NCOA7: variants seen among roughly 807,000 people sequenced by gnomAD.
NCOA7 encodes the protein nuclear receptor coactivator 7, also known as 140 kDa estrogen receptor-associated protein.
Under a neutral mutation model 104.3 loss-of-function variants are expected in NCOA7, and 45 were observed. The observed-to-expected ratio is 0.43, with a 90% CI of 0.34 to 0.55. NCOA7 has a LOEUF of 0.55. Among genes scored for constraint, NCOA7 ranks in the 20% least tolerant of loss-of-function variants. NCOA7 has a pLI of 0.02. For synonymous variants in NCOA7, 398 were observed against 402.3 expected (o/e 0.99, Z 0.13); for missense variants, 1,041 against 1,119.7 (o/e 0.93, Z 1.00).
intron 3 of NCOA7, among the ~76,000 whole-genome samples, chr6:125,870,121 C>T (rs1277472110): frequency 2.0e-5 from 3 of 152,180 alleles, no homozygotes; most frequent in African/African-American, 4.8e-5. Flanking sequence ...CCTGTTACCC[C>T]GGTGTTGAGA....
rs1784565398 is a variant in NCOA7 at position 125,890,706 on chromosome 6, A to G, written c.1992A>G (p.Gly664=). 1 of 1,613,880 alleles carries G rather than the reference A, an allele frequency of 6.2e-7. No individual in the cohort carries two copies. The highest frequency in any genetic ancestry group is 2.2e-5 in the East Asian group (1 of 44,842). The change falls in exon 10 of 16, where the codon GGA becomes GGG. Residue 664 remains glycine (G), a synonymous_variant. Transcript: ENST00000392477. ...CCATGTTCCTGTGCATCAAAGTGGG[A>G]AAACCAATGAGAAAATCCTTTGCCA... ...TPPMFLCIKV[G]KPMRKSFATH... is the part of the protein sequence containing the mutation.
intron 3 of NCOA7, among the ~76,000 whole-genome samples, chr6:125,858,588 T>C (rs1165148325): frequency 6.6e-6 from 1 of 150,698 alleles, no homozygotes; most frequent in Non-Finnish European, 1.5e-5. Context: ...ACAAATCTAC[T>C]GCACTCCAGA....
intron 10 of NCOA7, among the ~76,000 whole-genome samples, chr6:125,910,195 A>T (rs959278838): frequency 6.6e-6 from 1 of 152,216 alleles, no homozygotes; most frequent in African/African-American, 2.4e-5. Flanking sequence ...CATCGGGCAT[A>T]GCTGTGAATG....
intron 1 of NCOA7, among the ~76,000 whole-genome samples, chr6:125,812,280 G>A (rs1391695646): frequency 6.6e-6 from 1 of 152,060 alleles, no homozygotes; most frequent in East Asian, 1.9e-4. Flanking sequence ...TTTACCCATT[G>A]AAATCCTAAC....
intron 3 of NCOA7, among the ~76,000 whole-genome samples, chr6:125,857,965 G>A (rs6920965): frequency 0.29 from 44,611 of 151,306 alleles, 8,035 homozygotes; most frequent in East Asian, 0.49. Flanking sequence ...ACTCTGTCGC[G>A]TGTGTAATGC....
At chr6:125,798,126 T>C (rs1775516170) in intron 1 of NCOA7, 1 of 152,218 alleles carries the variant, frequency 6.6e-6, no homozygotes, top group African/African-American at 2.4e-5. Flanking sequence ...GTTTGCCTCA[T>C]GGTCTCTCTT....
intron 2 of NCOA7, among the ~76,000 whole-genome samples, chr6:125,845,762 T>C (rs1780551010): frequency 6.6e-6 from 1 of 152,112 alleles, no homozygotes; most frequent in Admixed American, 6.6e-5. Context: ...CAAGACTCTG[T>C]CTCAAAAAAA....
At chr6:125,891,723 G>T (rs1784639015) in intron 10 of NCOA7, among the ~76,000 whole-genome samples, 1 of 152,214 alleles carries the variant, frequency 6.6e-6, no homozygotes, top group East Asian at 1.9e-4. Flanking sequence ...CATTCTTATT[G>T]GGAGAGTTGT....
Position 125,922,691 on chromosome 6 carries a change from C to G in NCOA7, c.2380C>G (p.Arg794Gly). 1 of 1,612,172 alleles carries G rather than the reference C, an allele frequency of 6.2e-7. No homozygotes were observed. Among genetic ancestry groups the G allele is most frequent in the Non-Finnish European group, 8.5e-7 (1 of 1,179,376 alleles). ...TCCTTTGGCTTTGTAGCTGGCCCGA[C>G]GCCTTCCTGCAAGGGTGCAAGGGTA... The part of the protein sequence containing the change: ...ENMHIEQLAR[R>G]LPARVQGYPW... Residue 794 changes from arginine to glycine, a missense_variant, in exon 13 of 16, where the codon CGC (arginine) becomes GGC (glycine). Arg to Gly is a moderately radical substitution (Grantham distance 125). Transcript: ENST00000392477.
At chr6:125,888,612 CATT>C (rs1407641362) in intron 8 of NCOA7, among the ~76,000 whole-genome samples, 4 of 152,156 alleles carry the variant, frequency 2.6e-5, no homozygotes, top group Non-Finnish European at 5.9e-5. Context: ...AAGTCAGAAA[CATT>C]ATTATTTCAT....
intron 1 of NCOA7, among the ~76,000 whole-genome samples, chr6:125,811,919 C>T (rs1042060227): frequency 3.3e-5 from 5 of 152,152 alleles, no homozygotes; most frequent in Admixed American, 3.3e-4. Context: ...AGCTCATCTC[C>T]AAATGCTTTC....
In NCOA7 at chr6:125,878,326, G is replaced by A. The variant is rs1783549966; in HGVS notation, c.415G>A (p.Val139Met). Residue 139 changes from valine (V) to methionine (M), a missense_variant, in exon 5 of 16, where the codon GTG becomes ATG. Coordinates refer to ENST00000392477, the MANE Select transcript of NCOA7 (RefSeq NM_181782.5). ...LKFNITPNKL[V>M]ELNKLFTHTI... ...ATTTAACATCACTCCCAATAAATTG[G>A]TGGAACTGAATAAACTTTTCACACA... 1.2e-6 allele frequency: 2 copies of A among 1,612,644 alleles called. No homozygotes were observed. Among genetic ancestry groups the A allele is most frequent in the Non-Finnish European group, 1.7e-6 (2 of 1,179,380 alleles).
At chr6:125,870,643 T>G (rs1191309741) in intron 3 of NCOA7, among the ~76,000 whole-genome samples, 1 of 152,258 alleles carries the variant, frequency 6.6e-6, no homozygotes, top group Non-Finnish European at 1.5e-5. Flanking sequence ...CTGGCTGTCA[T>G]GCCCCTCCAG....
chr6:125,834,351 C>T (rs896361945), intron 2 of NCOA7, among the ~76,000 whole-genome samples: 4 of 152,136 alleles, frequency 2.6e-5, no homozygotes, highest in Admixed American at 2.0e-4. Context: ...ATTAAAAAAA[C>T]GGAAGATTTT....
chr6:125,843,497 C>T (rs1034492269), intron 2 of NCOA7, among the ~76,000 whole-genome samples: 19 of 152,292 alleles, frequency 1.2e-4, no homozygotes, highest in South Asian at 8.3e-4. Flanking sequence ...AAATAAGCTA[C>T]GTGCATAATA....
At chr6:125,926,886 C>A (rs963128055) in intron 13 of NCOA7, among the ~76,000 whole-genome samples, 1 of 152,220 alleles carries the variant, frequency 6.6e-6, no homozygotes, top group Non-Finnish European at 1.5e-5. Flanking sequence ...CCTGCAAGTG[C>A]TGATCAGGAT....
intron 2 of NCOA7, among the ~76,000 whole-genome samples, chr6:125,826,537 C>A (rs941264834): frequency 2.6e-5 from 4 of 151,940 alleles, no homozygotes; most frequent in Middle Eastern, 3.2e-3. Flanking sequence ...TTTAAGACTT[C>A]TCTCAGTTCT....
chr6:125,790,602 G>T (rs947825603), upstream of NCOA7, among the ~76,000 whole-genome samples: 3 of 115,118 alleles, frequency 2.6e-5, no homozygotes, highest in Non-Finnish European at 5.4e-5. Flanking sequence ...CGCAACTGCA[G>T]TCCGAGCGGC....
chr6:125,787,052 T>C (rs558188871), upstream of NCOA7, among the ~76,000 whole-genome samples: 872 of 145,702 alleles, frequency 6.0e-3, 7 homozygotes, highest in Non-Finnish European at 0.01. Context: ...GAGGCTGAGG[T>C]GGGAAGATCA....
Sources: allele counts gnomAD v4.1 joint callset (sites outside exome capture counted in the v4.1 genomes callset), GRCh38; gene constraint gnomAD v4.1.1; transcripts MANE v1.5; gene names NCBI Gene and HGNC (gene_info 2026-07-23, HGNC 2026-07-21).